HAS3: variants seen among roughly 807,000 people sequenced by gnomAD.
HAS3 encodes the protein HA synthase 3.
HAS3 carries 27 observed loss-of-function variants against 50.3 expected under a neutral mutation model. The observed-to-expected ratio is 0.54, with a 90% confidence interval of 0.40 to 0.74. The LOEUF is 0.74. Among genes scored for constraint, HAS3 ranks in the 30% least tolerant of loss-of-function variants. The pLI, the probability that HAS3 is intolerant of heterozygous loss-of-function variation, is 0.00. For missense variants in HAS3, 517 were observed against 742.8 expected, an observed-to-expected ratio of 0.70 and a Z score of 3.53; for synonymous variants, 339 against 310.9, an observed-to-expected ratio of 1.09 and a Z score of -0.95.
chr16:69,115,181 C>T lies in HAS3; in HGVS notation c.1577C>T (p.Ala526Val). The T allele has an allele frequency of 6.3e-7, 1 of 1,588,752 alleles. No individual in the cohort carries two copies. The highest frequency in any genetic ancestry group is 8.6e-7 in the Non-Finnish European group (1 of 1,166,588). ...ATACTGTATGGCTGCTACTGGGTGG[C>T]CCTCCTCATGCTATATCTGGCCATC... is the stretch of plus-strand genomic sequence containing the variant. ...GAILYGCYWV[A>V]LLMLYLAIIA... The change falls in exon 4 of 4, where the codon GCC becomes GTC. Residue 526 changes from alanine (A) to valine (V), a missense_variant. Transcript: ENST00000569188.
chr16:69,104,259 GT>G (rs544314357), upstream of HAS3, among the ~76,000 whole-genome samples: 385 of 127,082 alleles, frequency 3.0e-3, 3 homozygotes, highest in South Asian at 0.023. Context: ...CCTGGCTAAT[GT>G]TTTTTTTTTT....
At chr16:69,087,341 A>G in the HAS3 span, among the ~76,000 whole-genome samples, 1 of 152,142 alleles carries the variant, frequency 6.6e-6, no homozygotes, top group Non-Finnish European at 1.5e-5. Flanking sequence ...CCAAGCTTCA[A>G]CTGCTTTTTC....
At chr16:69,092,801 C>G in the HAS3 span, among the ~76,000 whole-genome samples, 1 of 152,046 alleles carries the variant, frequency 6.6e-6, no homozygotes, top group Non-Finnish European at 1.5e-5. Flanking sequence ...TTGAGGCCAG[C>G]CTGGGCAACA....
the HAS3 span, among the ~76,000 whole-genome samples, chr16:69,093,917 G>T: frequency 6.6e-6 from 1 of 152,164 alleles, no homozygotes; most frequent in Non-Finnish European, 1.5e-5. Context: ...CATTCCTTGA[G>T]AGAGGAAAAA....
upstream of HAS3, among the ~76,000 whole-genome samples, chr16:69,104,269 T>TTTTTTC (rs1960728933): frequency 7.1e-6 from 1 of 141,226 alleles, no homozygotes; most frequent in Non-Finnish European, 1.5e-5. Flanking sequence ...GTTTTTTTTT[T>TTTTTTC]TTTTCTTTTC....
Position 69,114,607 on chromosome 16 carries a change from G to A in HAS3, c.1003G>A (p.Ala335Thr). 5.6e-6 allele frequency: 9 copies of A among 1,613,878 alleles called. No individual in the cohort carries two copies. Among genetic ancestry groups the A allele is most frequent in the African/African-American group, 1.3e-5 (1 of 74,970 alleles). ...LSLGYRTKYTARSKCLTETPT... is the reference protein window; with the variant it reads ...LSLGYRTKYTTRSKCLTETPT... ...CCTTGGCTACCGAACTAAGTATACCGCGCGCTCCAAGTGCCTCACAGAGAC... is the reference window on the plus strand; with the variant it reads ...CCTTGGCTACCGAACTAAGTATACCACGCGCTCCAAGTGCCTCACAGAGAC... Residue 335 changes from alanine (A) to threonine (T), a missense_variant, in exon 4 of 4, where the codon GCG becomes ACG. Transcript: ENST00000569188. This position sits in a 1 kb window ranked among gnomAD's most constrained non-coding sequence, Gnocchi z 6.4.
Position 69,116,686 on chromosome 16 carries a change from T to A in HAS3, c.*1420T>A. 4 of 985,390 alleles carry A rather than the reference T, an allele frequency of 4.1e-6. No homozygotes were observed. The highest frequency in any genetic ancestry group is 4.8e-6 in the Non-Finnish European group (4 of 829,876). 61.0% of individuals were successfully genotyped at this position (985,390 alleles called of 1,614,324 possible). The stretch of plus-strand genomic sequence containing the variant: ...TCTCTCATGCCTCCTGAGGCTGTTT[T>A]TGGCTGTTTTCCCTCTGCTGCTTTT... On this transcript the variant is annotated 3_prime_UTR_variant, in exon 4 of 4. Coordinates refer to ENST00000569188, the MANE Select transcript of HAS3 (RefSeq NM_001199280.2).
intron 1 of HAS3, among the ~76,000 whole-genome samples, chr16:69,108,661 C>A (rs1364477388): frequency 6.6e-6 from 1 of 152,148 alleles, no homozygotes; most frequent in Non-Finnish European, 1.5e-5. Context: ...CAGCCCTGGG[C>A]TCTAGGAGGC....
chr16:69,090,540 C>T, the HAS3 span, among the ~76,000 whole-genome samples: 1 of 151,986 alleles, frequency 6.6e-6, no homozygotes. Context: ...TCCTGAGTAG[C>T]TGAAACTACA....
the HAS3 span, among the ~76,000 whole-genome samples, chr16:69,091,408 C>G: frequency 6.6e-6 from 1 of 152,088 alleles, no homozygotes; most frequent in East Asian, 1.9e-4. Context: ...CATACCGAAA[C>G]GTTTCTATGC....
At chr16:69,118,127 A>ACCCCCCCCCCCATTCCCCCATTCCCC, downstream of HAS3, 1 of 138,046 alleles carries the variant, frequency 7.2e-6, no homozygotes, top group Non-Finnish European at 1.4e-5. Context: ...TTCATCCCCC[A>ACCCCCCCCCCCATTCCCCCATTCCCC]CCCCCACCCT....
In HAS3 at chr16:69,106,256, A is replaced by G. The variant is rs1410757933; in HGVS notation, c.-1+469A>G. The G allele has an allele frequency of 6.6e-6, 1 of 150,796 alleles. No individual in the cohort carries two copies. The highest frequency in any genetic ancestry group is 1.5e-5 in the Non-Finnish European group (1 of 67,880). 9.3% of individuals were successfully genotyped at this position (150,796 alleles called of 1,614,324 possible). On this transcript the variant is annotated intron_variant, in intron 1 of 3. Coordinates refer to ENST00000569188, the MANE Select transcript of HAS3 (RefSeq NM_001199280.2). This position sits in a 1 kb window ranked among gnomAD's most constrained non-coding sequence, Gnocchi z 5.5. ...GCGCGGCGGCGCGGAGCGGAGCGGG[A>G]GGAGGGGCATGGAGCCGCCGCGGGC...
the HAS3 span, chr16:69,083,833 T>C: frequency 4.8e-6 from 3 of 630,276 alleles, no homozygotes; most frequent in Non-Finnish European, 8.1e-6. Flanking sequence ...CGAGGGCATG[T>C]GTTCAGCACT....
chr16:69,101,103 C>T (rs989817109), upstream of HAS3, among the ~76,000 whole-genome samples: 1 of 152,176 alleles, frequency 6.6e-6, no homozygotes, highest in Non-Finnish European at 1.5e-5. Context: ...CCAAACAGTA[C>T]TTGCAATCTA....
the HAS3 span, among the ~76,000 whole-genome samples, chr16:69,097,155 AAAG>A: frequency 2.6e-5 from 4 of 151,866 alleles, no homozygotes; most frequent in Admixed American, 6.6e-5. Context: ...GAGAAAAAAA[AAAG>A]AATTATGGTT....
the HAS3 span, among the ~76,000 whole-genome samples, chr16:69,096,261 G>A: frequency 3.3e-5 from 5 of 149,352 alleles, no homozygotes; most frequent in African/African-American, 9.8e-5. Flanking sequence ...GGCTGGGCAC[G>A]GTGGCTCACG....
At position 69,116,529 on chromosome 16, in the gene HAS3, T is replaced by A. The variant is rs189604315; in HGVS notation, c.*1263T>A. 10 of 985,350 alleles carry A rather than the reference T, an allele frequency of 1.0e-5. No homozygotes were observed. The highest frequency in any genetic ancestry group is 1.7e-5 in the African/African-American group (1 of 57,362). The allele number at this position is 985,350 out of a possible 1,614,324, so 61.0% of individuals were successfully genotyped here. Reference sequence around the variant, plus strand: ...TCCAAAATGGTTATCTTTGAGACCATCCATTCTCCTCAGTGGCTTCTCCAG... The same window carrying A: ...TCCAAAATGGTTATCTTTGAGACCAACCATTCTCCTCAGTGGCTTCTCCAG... On this transcript the variant is annotated 3_prime_UTR_variant, in exon 4 of 4. Coordinates refer to ENST00000569188, the MANE Select transcript of HAS3 (RefSeq NM_001199280.2).
chr16:69,114,309 C>T lies in HAS3; in HGVS notation c.739-34C>T, dbSNP rs753779888. 4.5e-6 allele frequency: 7 copies of T among 1,557,130 alleles called. No individual in the cohort carries two copies. The highest frequency in any genetic ancestry group is 6.1e-6 in the Non-Finnish European group (7 of 1,156,434). On this transcript the variant is annotated intron_variant, in intron 3 of 3. Coordinates refer to ENST00000569188, the MANE Select transcript of HAS3 (RefSeq NM_001199280.2). This position sits in a 1 kb window ranked among gnomAD's most constrained non-coding sequence, Gnocchi z 6.4. ...TGATGTCTGTCCTCCGGACGTGCAA[C>T]CTTAGGAGGCCCAGCATCTCTATTC...
chr16:69,099,045 A>G, the HAS3 span, among the ~76,000 whole-genome samples: 1 of 150,542 alleles, frequency 6.6e-6, no homozygotes, highest in African/African-American at 2.5e-5. Context: ...ATCTCGGCTC[A>G]CTGCAAGCTC....
Sources: allele counts gnomAD v4.1 joint callset (sites outside exome capture counted in the v4.1 genomes callset), GRCh38; gene constraint gnomAD v4.1.1; non-coding constraint Gnocchi (gnomAD v3.1); transcripts MANE v1.5; gene names NCBI Gene and HGNC (gene_info 2026-07-23, HGNC 2026-07-21).